ARHGEF3: variants seen among roughly 807,000 people sequenced by gnomAD.
The protein encoded by ARHGEF3 is 59.8 kDA protein.
A neutral mutation model predicts 63.2 loss-of-function variants in ARHGEF3; 28 were observed. The observed-to-expected ratio is 0.44, with a 90% confidence interval of 0.33 to 0.61. The LOEUF (loss-of-function observed/expected upper bound fraction) is 0.61, where lower values mean the gene tolerates loss of function less well. Ranked by LOEUF, ARHGEF3 falls within the 20% of genes least tolerant of loss-of-function variation. The probability of loss-of-function intolerance (pLI) is 0.03; values close to 1 mark genes in which losing one functional copy is unlikely to be tolerated. For synonymous variants in ARHGEF3, 266 were observed against 254.2 expected (o/e 1.05, Z -0.44); for missense variants, 533 against 659.3 (o/e 0.81, Z 2.10).
chr3:57,012,086 G>A (rs1702725787), intron 2 of ARHGEF3, among the ~76,000 whole-genome samples: 1 of 152,142 alleles, frequency 6.6e-6, no homozygotes, highest in African/African-American at 2.4e-5. Flanking sequence ...GAAGACTGAG[G>A]TTGAGTATGA....
intron 3 of ARHGEF3, among the ~76,000 whole-genome samples, chr3:56,947,875 G>T (rs1295406422): frequency 6.6e-6 from 1 of 152,130 alleles, no homozygotes; most frequent in Admixed American, 6.5e-5. Context: ...CACATAGTTG[G>T]AAGTAAAGCA....
intron 2 of ARHGEF3, among the ~76,000 whole-genome samples, chr3:56,979,752 G>A (rs1560104355): frequency 6.6e-6 from 1 of 152,204 alleles, no homozygotes; most frequent in Admixed American, 6.5e-5. Flanking sequence ...TTAGCCCTTT[G>A]TGGGTGACTC....
intron 3 of ARHGEF3, among the ~76,000 whole-genome samples, chr3:56,943,807 C>T (rs555433249): frequency 2.0e-5 from 3 of 151,380 alleles, no homozygotes; most frequent in African/African-American, 7.3e-5. Flanking sequence ...CCCAGCTACT[C>T]GGGAGGCTGA....
Position 56,995,631 on chromosome 3 carries a change from G to C in ARHGEF3, c.63-36742C>G, listed in dbSNP as rs1179830320. 6.4e-3 allele frequency among the ~76,000 whole-genome samples: 349 copies of C among 54,568 alleles called. 4 individuals carry two copies. Among genetic ancestry groups the C allele is most frequent in the African/African-American group, 0.018 (339 of 19,282 alleles). 35.8% of individuals were successfully genotyped at this position (54,568 alleles called of 152,430 possible). On this transcript the variant is annotated intron_variant, in intron 2 of 12. Coordinates refer to the ARHGEF3 transcript ENST00000338458. The stretch of plus-strand genomic sequence containing the variant: ...GAGAGTAAATTTTCCGAGAGAGAGA[G>C]AGAGAGAGAGAGAGAGAGAGAGAGA...
intron 2 of ARHGEF3, among the ~76,000 whole-genome samples, chr3:57,013,879 G>A (rs770285179): frequency 2.0e-4 from 31 of 152,198 alleles, no homozygotes; most frequent in Admixed American, 7.2e-4. Flanking sequence ...GATGTGGGTG[G>A]GGCCAGATAA....
intron 1 of ARHGEF3, among the ~76,000 whole-genome samples, chr3:57,039,721 C>T (rs1220136173): frequency 6.6e-6 from 1 of 152,150 alleles, no homozygotes; most frequent in Non-Finnish European, 1.5e-5. Flanking sequence ...TTTTCATTGC[C>T]AGCAATGGTA....
chr3:56,801,995 T>TTG, upstream of ARHGEF3: 1 of 763,368 alleles, frequency 1.3e-6, no homozygotes, highest in Non-Finnish European at 1.9e-6. Context: ...CACGCCTTGA[T>TTG]GGGTGGGGAG....
intron 2 of ARHGEF3, among the ~76,000 whole-genome samples, chr3:56,987,414 G>A (rs145248248): frequency 2.6e-5 from 4 of 152,346 alleles, no homozygotes; most frequent in African/African-American, 9.6e-5. Flanking sequence ...ACTGGGCTGA[G>A]CTCTGGGCAA....
At chr3:56,944,568 C>CTTTTTTT (rs1205155655) in intron 3 of ARHGEF3, among the ~76,000 whole-genome samples, 1,667 of 65,814 alleles carry the variant, frequency 0.025, 92 homozygotes, top group East Asian at 0.04. Context: ...AAAGTGGTTT[C>CTTTTTTT]TTTTTTTTTT....
chr3:56,798,042 A>G (rs2037458003), intron 1 of ARHGEF3, among the ~76,000 whole-genome samples: 1 of 152,210 alleles, frequency 6.6e-6, no homozygotes, highest in South Asian at 2.1e-4. Flanking sequence ...GAACAGTACA[A>G]GCTTTATGTT....
chr3:56,991,986 T>TTCAC, intron 2 of ARHGEF3, among the ~76,000 whole-genome samples: 1 of 151,192 alleles, frequency 6.6e-6, no homozygotes, highest in South Asian at 2.1e-4. Flanking sequence ...TTTTCCATAA[T>TTCAC]TCACTCACTC....
chr3:56,916,338 C>CTGGTGT (rs2041989915), intron 3 of ARHGEF3: 1 of 1,535,498 alleles, frequency 6.5e-7, no homozygotes, highest in African/African-American at 1.4e-5. Flanking sequence ...CAGCACCACA[C>CTGGTGT]CATGGGGCGC....
rs1704250934 is a variant in ARHGEF3 at position 57,042,677 on chromosome 3, TATATATATATA to T, written c.-27-7512_-27-7502del. ...ATATATATATATATATATATATATA[TATATATATATA>T]TATATATATATATTTTTTTTTTTTT... On this transcript the variant is annotated intron_variant, in intron 1 of 12. Transcript: ENST00000338458. Among the ~76,000 whole-genome samples the T allele has an allele frequency of 1.1e-3, 40 of 35,348 alleles. 1 individual carries two copies. The South Asian group carries it at 0.02, about 18-fold the overall frequency. The allele number at this position is 35,348 out of a possible 152,430, so 23.2% of individuals were successfully genotyped here.
At chr3:56,813,492 G>C (rs949997250) in intron 4 of ARHGEF3, among the ~76,000 whole-genome samples, 3 of 152,140 alleles carry the variant, frequency 2.0e-5, no homozygotes, top group African/African-American at 4.8e-5. Context: ...CTGTCTCACC[G>C]TGTTATCGAA....
chr3:56,948,199 T>G (rs1383797172), intron 3 of ARHGEF3, among the ~76,000 whole-genome samples: 1 of 152,184 alleles, frequency 6.6e-6, no homozygotes, highest in South Asian at 2.1e-4. Context: ...ATTGACACCC[T>G]AACATCACAA....
chr3:56,734,063 G>A (rs1413279851), intron 8 of ARHGEF3, among the ~76,000 whole-genome samples: 1 of 151,660 alleles, frequency 6.6e-6, no homozygotes, highest in South Asian at 2.1e-4. Context: ...TCTGAAGAGG[G>A]TTAAAAAGTT....
Position 57,006,162 on chromosome 3 carries a change from T to A in ARHGEF3, c.62+28926A>T, listed in dbSNP as rs185823312. 5.9e-5 allele frequency among the ~76,000 whole-genome samples: 9 copies of A among 152,314 alleles called. No individual in the cohort carries two copies. The East Asian group carries it at 1.7e-3, about 29-fold the overall frequency. ...ACCACTTTTAATAGGATCTGCCATG[T>A]TCCCTGTTCCCTGGAGCCACATAAA... On this transcript the variant is annotated intron_variant, in intron 2 of 12. Transcript: ENST00000338458.
intron 9 of ARHGEF3, among the ~76,000 whole-genome samples, chr3:56,731,316 G>C (rs1387356233): frequency 6.6e-6 from 1 of 152,022 alleles, no homozygotes; most frequent in Non-Finnish European, 1.5e-5. Context: ...GGATTACTTG[G>C]GGTCAGGAGT....
chr3:56,797,873 C>G (rs995884873), intron 1 of ARHGEF3, among the ~76,000 whole-genome samples: 1 of 152,208 alleles, frequency 6.6e-6, no homozygotes, highest in Non-Finnish European at 1.5e-5. Flanking sequence ...TTTTATCCCA[C>G]AAAGGTAAAC....
Sources: gnomAD v4.1 joint callset for allele counts (sites outside exome capture counted in the v4.1 genomes callset) on GRCh38, gnomAD v4.1.1 for gene constraint, MANE v1.5 for transcripts, NCBI Gene and HGNC (gene_info 2026-07-23, HGNC 2026-07-21) for gene names.